Variants in DAB1 observed in about 807,000 individuals in gnomAD.
The protein encoded by DAB1 is disabled homolog 1.
A neutral mutation model predicts 64.6 loss-of-function variants in DAB1; 15 were observed. The observed-to-expected ratio is 0.23, with a 90% CI of 0.16 to 0.36. DAB1 has a LOEUF of 0.36. DAB1 is among the 10% of genes least tolerant of loss of function. The pLI, the probability that DAB1 is intolerant of heterozygous loss-of-function variation, is 1.00. For missense variants in DAB1, 596 were observed against 706.7 expected (o/e 0.84, Z 1.78); for synonymous variants, 235 against 251.9 (o/e 0.93, Z 0.64).
chr1:57,679,514 G>A (rs1646611925), intron 6 of DAB1, among the ~76,000 whole-genome samples: 1 of 152,216 alleles, frequency 6.6e-6, no homozygotes, highest in African/African-American at 2.4e-5. Flanking sequence ...CCATGCAGGT[G>A]AGATATGGGA....
At chr1:57,254,283 A>AAT in intron 2 of DAB1, among the ~76,000 whole-genome samples, 1 of 152,206 alleles carries the variant, frequency 6.6e-6, no homozygotes, top group East Asian at 1.9e-4. Flanking sequence ...TGCATTGAGT[A>AAT]ATTAAGGCCA....
chr1:57,380,124 A>G lies in DAB1; in HGVS notation c.-137+43806T>C, dbSNP rs539575280. 1.3e-3 allele frequency among the ~76,000 whole-genome samples: 194 copies of G among 152,318 alleles called. 1 individual carries two copies. The highest frequency in any genetic ancestry group is 4.3e-3 in the African/African-American group (179 of 41,574). On this transcript the variant is annotated intron_variant, in intron 1 of 14. Transcript: ENST00000371236. Reference sequence around the variant, plus strand: ...TGAGCACCTACTTGGTGTCAGGCGCATTCATTATTTCCTTTAATCCCACAA... The same window carrying G: ...TGAGCACCTACTTGGTGTCAGGCGCGTTCATTATTTCCTTTAATCCCACAA...
At chr1:58,255,278 T>G (rs928130643) in intron 4 of DAB1, among the ~76,000 whole-genome samples, 1 of 151,806 alleles carries the variant, frequency 6.6e-6, no homozygotes, top group African/African-American at 2.4e-5. Context: ...TTTGTTTGAG[T>G]TCATTGTAGA....
chr1:57,990,805 T>C (rs1038817838), intron 5 of DAB1, among the ~76,000 whole-genome samples: 2 of 151,884 alleles, frequency 1.3e-5, no homozygotes, highest in African/African-American at 4.8e-5. Context: ...AGCAAGACAA[T>C]CCCAGAAGAA....
At chr1:57,187,015 A>T (rs764354301) in intron 2 of DAB1, among the ~76,000 whole-genome samples, 3 of 152,174 alleles carry the variant, frequency 2.0e-5, no homozygotes, top group African/African-American at 7.2e-5. Flanking sequence ...TGTCCCCCCA[A>T]AAAGATGGGA....
rs11279300 is a variant in DAB1, at chr1:57,074,109, ATCCACCT to A, written c.307-1702_307-1696del. ...GGTCTCAGACTCCTGGGCTCAAGCG[ATCCACCT>A]GCCTTGGCCTCCCAAAGTGCTAAAA... On this transcript the variant is annotated intron_variant, in intron 4 of 14. Transcript: ENST00000371236. Among the ~76,000 whole-genome samples the A allele has an allele frequency of 7.6e-3, 1,154 of 152,178 alleles. 20 individuals are homozygous for A. Among genetic ancestry groups the A allele is most frequent in the African/African-American group, 0.026 (1,081 of 41,550 alleles).
At chr1:57,553,617 G>A (rs1644953378) in intron 7 of DAB1, among the ~76,000 whole-genome samples, 1 of 151,924 alleles carries the variant, frequency 6.6e-6, no homozygotes. Context: ...ACTGCAGTGA[G>A]CTAAGATCAC....
intron 6 of DAB1, among the ~76,000 whole-genome samples, chr1:57,698,486 A>G (rs1417661802): frequency 6.6e-6 from 1 of 152,148 alleles, no homozygotes; most frequent in African/African-American, 2.4e-5. Flanking sequence ...GAGCGGCTTC[A>G]TGTGTCACCA....
At chr1:58,360,267 C>G (rs1170540359) in intron 3 of DAB1, among the ~76,000 whole-genome samples, 1 of 152,056 alleles carries the variant, frequency 6.6e-6, no homozygotes, top group African/African-American at 2.4e-5. Flanking sequence ...TTAAGGGGAG[C>G]CATGTTGAAG....
At chr1:57,864,336 T>TAG (rs1249531867) in intron 1 of DAB1, 1 of 152,198 alleles carries the variant, frequency 6.6e-6, no homozygotes, top group Non-Finnish European at 1.5e-5. Flanking sequence ...TATTAAAACT[T>TAG]CTCTATGTAC....
At chr1:57,529,005 A>G (rs1644629352) in intron 7 of DAB1, among the ~76,000 whole-genome samples, 1 of 152,128 alleles carries the variant, frequency 6.6e-6, no homozygotes. Context: ...ATCTTAAATC[A>G]AAAACAATTA....
At chr1:58,078,082 A>C (rs969152063) in intron 5 of DAB1, 1 of 152,308 alleles carries the variant, frequency 6.6e-6, no homozygotes, top group African/African-American at 2.4e-5. Context: ...AACTCAGACA[A>C]CAGGAAACAC....
intron 4 of DAB1, among the ~76,000 whole-genome samples, chr1:57,115,892 G>T (rs1419288520): frequency 2.6e-5 from 4 of 152,142 alleles, no homozygotes; most frequent in Non-Finnish European, 5.9e-5. Context: ...TCTTCAAAGG[G>T]CCTGATTATC....
intron 3 of DAB1, among the ~76,000 whole-genome samples, chr1:58,349,927 T>A (rs966337024): frequency 1.3e-5 from 2 of 152,168 alleles, no homozygotes; most frequent in Admixed American, 6.5e-5. Flanking sequence ...CACGTGTGCA[T>A]ATGTCTTTAT....
At chr1:57,886,478 T>C (rs1255318105), upstream of DAB1, among the ~76,000 whole-genome samples, 1 of 152,188 alleles carries the variant, frequency 6.6e-6, no homozygotes, top group Non-Finnish European at 1.5e-5. Flanking sequence ...GTTAACACAT[T>C]TATCATCATA....
intron 5 of DAB1, among the ~76,000 whole-genome samples, chr1:57,900,807 T>C (rs1644461367): frequency 6.6e-6 from 1 of 152,120 alleles, no homozygotes; most frequent in African/African-American, 2.4e-5. Context: ...AGTCAGTACA[T>C]CTCTATCCAT....
Position 57,071,070 on chromosome 1 carries a change from G to C in DAB1, c.559-9C>G, listed in dbSNP as rs1302315437. 1.6e-5 allele frequency: 26 copies of C among 1,611,276 alleles called. No homozygotes were observed. The highest frequency in any genetic ancestry group is 2.2e-5 in the Non-Finnish European group (26 of 1,177,580). ...TCCTCTTCCAATATTGTCTATTGCAGAGTAAGGAGAGGGAGGGTGAAAAGC... is the reference window on the plus strand; with the variant it reads ...TCCTCTTCCAATATTGTCTATTGCACAGTAAGGAGAGGGAGGGTGAAAAGC... On this transcript the variant is annotated splice_polypyrimidine_tract_variant and intron_variant, in intron 6 of 14. Coordinates refer to ENST00000371236, the MANE Select transcript of DAB1 (RefSeq NM_001365792.1).
intron 7 of DAB1, among the ~76,000 whole-genome samples, chr1:57,434,795 T>C (rs1194311176): frequency 6.6e-6 from 1 of 152,210 alleles, no homozygotes. Flanking sequence ...GGTATTTATG[T>C]ATCTAAACAT....
chr1:58,337,580 A>T (rs993367256), intron 4 of DAB1, among the ~76,000 whole-genome samples: 16 of 152,288 alleles, frequency 1.1e-4, no homozygotes, highest in African/African-American at 3.8e-4. Flanking sequence ...TAAACTACTT[A>T]TGTTTTCTTG....
Sources: gnomAD v4.1 joint callset for allele counts (sites outside exome capture counted in the v4.1 genomes callset) on GRCh38, gnomAD v4.1.1 for gene constraint, MANE v1.5 for transcripts, NCBI Gene and HGNC (gene_info 2026-07-23, HGNC 2026-07-21) for gene names.